FANCA: variants seen among roughly 807,000 people sequenced by gnomAD.
FANCA encodes the protein Fanconi anemia group A protein.
FANCA carries 236 observed loss-of-function variants against 194.3 expected under a neutral mutation model. The ratio of observed to expected loss-of-function variants is 1.21; its 90% CI spans 1.09 to 1.35. The LOEUF is 1.35. Ranked by LOEUF, FANCA falls within the 40% of genes most tolerant of loss-of-function variation. The probability of loss-of-function intolerance (pLI) is 0.00; values close to 1 mark genes in which losing one functional copy is unlikely to be tolerated. For missense variants in FANCA, 2,628 were observed against 1,813.9 expected, an observed-to-expected ratio of 1.45 and a Z score of -8.15; for synonymous variants, 1,014 against 715.8, an observed-to-expected ratio of 1.42 and a Z score of -6.65.
Position 89,782,830 on chromosome 16 carries a change from G to A in FANCA, c.1626+29C>T, listed in dbSNP as rs1800334. 5.1e-4 allele frequency: 811 copies of A among 1,597,154 alleles called. 1 individual carries two copies. Among genetic ancestry groups the A allele is most frequent in the South Asian group, 6.6e-4 (60 of 90,706 alleles). On this transcript the variant is annotated intron_variant, in intron 17 of 42. Transcript: ENST00000389301. ...CTTTGCATGGTGGGCGTGACTGGCT[G>A]AGACCCTGCAGGGCTCAAGCAACAT...
chr16:89,779,758 G>A (rs2039637732), intron 18 of FANCA, 111 bp downstream of exon 18: 9 of 895,536 alleles, frequency 1.0e-5, no homozygotes, highest in South Asian at 2.7e-5. Flanking sequence ...CATCAGAGCG[G>A]AGTCTGCACA....
At position 89,737,738 on chromosome 16, in the gene FANCA, T is replaced by G. The variant is rs1327609120; in HGVS notation, c.*863A>C. 3.7e-6 allele frequency: 6 copies of G among 1,604,532 alleles called. No homozygotes were observed. Among genetic ancestry groups the G allele is most frequent in the Admixed American group, 1.7e-5 (1 of 59,762 alleles). On this transcript the variant is annotated 3_prime_UTR_variant, in exon 43 of 43. Transcript: ENST00000389301. ...CTTCCCAGCTGTGATGGTTTCACAT[T>G]GTCATCGTCGTCCCCCCGGGAGGTT...
chr16:89,759,694 G>A (rs1161928500), intron 29 of FANCA, among the ~76,000 whole-genome samples: 3 of 152,208 alleles, frequency 2.0e-5, no homozygotes, highest in African/African-American at 7.2e-5. Flanking sequence ...TCTGGAGAGG[G>A]AAGCTGCCGT....
At chr16:89,770,434 TTGA>T (rs771433679) in intron 24 of FANCA, 127 bp downstream of exon 24, 19 of 1,040,972 alleles carry the variant, frequency 1.8e-5, no homozygotes, top group Non-Finnish European at 2.3e-5. Context: ...TGCGTCCTAT[TTGA>T]TGAAACTCAG....
intron 30 of FANCA, among the ~76,000 whole-genome samples, chr16:89,755,406 T>C (rs2038735626): frequency 2.0e-5 from 3 of 151,926 alleles, no homozygotes; most frequent in South Asian, 4.2e-4. Flanking sequence ...AGTTTCGCCA[T>C]GTTGGCCAGG....
At chr16:89,802,168 A>G (rs926186951) in intron 8 of FANCA, among the ~76,000 whole-genome samples, 1 of 152,042 alleles carries the variant, frequency 6.6e-6, no homozygotes, top group African/African-American at 2.4e-5. Context: ...GCAAGGCGCA[A>G]TCTTGGCTCA....
chr16:89,748,871 GCCAC>G, intron 32 of FANCA, 104 bp from the exon 33 acceptor site: 1 of 912,578 alleles, frequency 1.1e-6, no homozygotes, highest in Non-Finnish European at 1.7e-6. Context: ...GAAACCCAGG[GCCAC>G]TGTTGGAACC....
intron 20 of FANCA, among the ~76,000 whole-genome samples, chr16:89,777,989 C>G (rs2039566601): frequency 6.6e-6 from 1 of 151,994 alleles, no homozygotes. Flanking sequence ...TGGTGAAACC[C>G]CGTCTCTACT....
At position 89,740,024 on chromosome 16, in the gene FANCA, A is replaced by G. The variant is rs878853665; in HGVS notation, c.3904T>C (p.Trp1302Arg). ...TCTGTCAACTGAAAGAGTGCCAGCC[A>G]GGATATCTTCCTCTTCTCTAAACAC... ...LECLEKRKIS[W>R]LALFQLTESD... The change falls in exon 39 of 43, where the codon TGG (tryptophan) becomes CGG (arginine). Residue 1302 changes from tryptophan to arginine, a missense_variant. Transcript: ENST00000389301. The G allele has an allele frequency of 1.9e-6, 3 of 1,614,182 alleles. No homozygotes were observed. Among genetic ancestry groups the G allele is most frequent in the Non-Finnish European group, 2.5e-6 (3 of 1,180,022 alleles).
chr16:89,770,962 C>T (rs980951477), intron 23 of FANCA, among the ~76,000 whole-genome samples: 1 of 151,976 alleles, frequency 6.6e-6, no homozygotes, highest in Non-Finnish European at 1.5e-5. Flanking sequence ...AAGAGGCAGT[C>T]GAGCCCAACC....
chr16:89,761,832 C>T, intron 29 of FANCA, 117 bp downstream of exon 29: 2 of 830,054 alleles, frequency 2.4e-6, no homozygotes, highest in South Asian at 1.3e-5. Context: ...CCCCATGTTG[C>T]CCAGGCTGAC....
intron 30 of FANCA, among the ~76,000 whole-genome samples, chr16:89,756,141 T>TA (rs2038760918): frequency 6.6e-6 from 1 of 152,190 alleles, no homozygotes; most frequent in South Asian, 2.1e-4. Context: ...ATGTGGCTCG[T>TA]TGTTAACCAG....
In FANCA at chr16:89,778,817, TAA is replaced by T; in HGVS notation, c.1808_1809del (p.Phe603TyrfsTer9). The T allele has an allele frequency of 6.2e-7, 1 of 1,614,010 alleles. No homozygotes were observed. The highest frequency in any genetic ancestry group is 8.5e-7 in the Non-Finnish European group (1 of 1,180,006). On this transcript the variant is annotated frameshift_variant, in exon 20 of 43. Coordinates refer to ENST00000389301, the MANE Select transcript of FANCA (RefSeq NM_000135.4). LOFTEE classifies it high-confidence loss of function. ...LPKVPDSRVA[F>X]IESLKRADKI... ...GCTGCATACCTCTTCAGAGACTCTATAAACGCCACACGGGAGTCAGGGACTTT... is the reference window on the plus strand; with the variant it reads ...GCTGCATACCTCTTCAGAGACTCTATACGCCACACGGGAGTCAGGGACTTT...
At chr16:89,778,501 G>T (rs920410913) in intron 20 of FANCA, 6 of 371,136 alleles carry the variant, frequency 1.6e-5, no homozygotes, top group Admixed American at 4.5e-5. Context: ...CCAGGCACAG[G>T]CTTGTAATCC....
intron 18 of FANCA, among the ~76,000 whole-genome samples, chr16:89,779,655 C>A (rs944281631): frequency 1.3e-5 from 2 of 152,230 alleles, no homozygotes; most frequent in African/African-American, 4.8e-5. Context: ...AGCCCTGACT[C>A]CTGTCTCTCT....
intron 38 of FANCA, chr16:89,740,520 C>T (rs958206943): frequency 6.0e-6 from 3 of 501,206 alleles, no homozygotes; most frequent in Non-Finnish European, 1.1e-5. Flanking sequence ...CCTGTAATCC[C>T]AGCTACTCGG....
At chr16:89,739,898 C>A in intron 39 of FANCA, 96 bp downstream of exon 39, 2 of 1,575,316 alleles carry the variant, frequency 1.3e-6, no homozygotes, top group Non-Finnish European at 1.7e-6. Flanking sequence ...ACTTACTTAG[C>A]AAGGAACCTC....
At position 89,739,421 on chromosome 16, in the gene FANCA, G is replaced by C. The variant is rs2062064859; in HGVS notation, c.4010+57C>G. Reference sequence around the variant, plus strand: ...CCATCTGGCGGGACCCAGAGGTGCTGAGATGGGGGTCTGGGAAACACTGCC... The same window carrying C: ...CCATCTGGCGGGACCCAGAGGTGCTCAGATGGGGGTCTGGGAAACACTGCC... On this transcript the variant is annotated intron_variant, in intron 40 of 42. Coordinates refer to ENST00000389301, the MANE Select transcript of FANCA (RefSeq NM_000135.4). The C allele has an allele frequency of 7.7e-6, 12 of 1,554,332 alleles. No individual in the cohort carries two copies. The South Asian group carries it at 9.4e-5, about 12-fold the overall frequency.
intron 21 of FANCA, among the ~76,000 whole-genome samples, chr16:89,775,148 G>T (rs546333637): frequency 6.6e-6 from 1 of 151,244 alleles, no homozygotes; most frequent in South Asian, 2.1e-4. Context: ...AGCTCATAGC[G>T]GCTCCCACAG....
Sources: gnomAD v4.1 joint callset for allele counts (sites outside exome capture counted in the v4.1 genomes callset) on GRCh38, gnomAD v4.1.1 for gene constraint, MANE v1.5 for transcripts, NCBI Gene and HGNC (gene_info 2026-07-23, HGNC 2026-07-21) for gene names.